Variants in GMDS observed in about 807,000 individuals in gnomAD.
GMDS encodes the protein GDP-mannose 4,6 dehydratase.
A neutral mutation model predicts 49.9 loss-of-function variants in GMDS; 20 were observed. That is an observed-to-expected ratio of 0.40 (90% confidence interval 0.28 to 0.58). GMDS has a LOEUF of 0.58. Ranked by LOEUF, GMDS falls within the 20% of genes least tolerant of loss-of-function variation. The pLI is 0.42. For synonymous variants in GMDS, 177 were observed against 178.6 expected (o/e 0.99, Z 0.07); for missense variants, 362 against 481.4 (o/e 0.75, Z 2.32).
chr6:2,143,314 G>A (rs1240290112), intron 1 of GMDS, among the ~76,000 whole-genome samples: 1 of 152,012 alleles, frequency 6.6e-6, no homozygotes, highest in Non-Finnish European at 1.5e-5. Context: ...GTCAATTGAG[G>A]GGCACTACTG....
intron 1 of GMDS, among the ~76,000 whole-genome samples, chr6:2,234,771 T>C (rs1332046430): frequency 6.6e-6 from 1 of 152,136 alleles, no homozygotes; most frequent in Non-Finnish European, 1.5e-5. Context: ...AGAGTTTACA[T>C]CAGGTACAAT....
chr6:1,742,451 T>G lies in GMDS; in HGVS notation c.890+17A>C. ...CTGCCAGAGAGCTACAAGTAGTCATTTCTCAGGTATACTTACACAATGGTT... is the reference window on the plus strand; with the variant it reads ...CTGCCAGAGAGCTACAAGTAGTCATGTCTCAGGTATACTTACACAATGGTT... On this transcript the variant is annotated intron_variant, in intron 8 of 10. Coordinates refer to ENST00000380815, the MANE Select transcript of GMDS (RefSeq NM_001500.4). 7.1e-7 allele frequency: 1 copy of G among 1,401,990 alleles called. No individual in the cohort carries two copies. Among genetic ancestry groups the G allele is most frequent in the South Asian group, 1.2e-5 (1 of 86,100 alleles). The allele number at this position is 1,401,990 out of a possible 1,614,324, so 86.8% of individuals were successfully genotyped here.
chr6:2,138,112 A>G (rs1274465612), intron 1 of GMDS, among the ~76,000 whole-genome samples: 1 of 152,232 alleles, frequency 6.6e-6, no homozygotes, highest in East Asian at 1.9e-4. Context: ...AAAACATTCA[A>G]AAATATCTCT....
rs533019372 is a variant in GMDS, at chr6:1,827,134, G to GATAT, written c.772-84552_772-84549dup. 8.0e-3 allele frequency among the ~76,000 whole-genome samples: 999 copies of GATAT among 124,506 alleles called. 12 individuals carry two copies. The highest frequency in any genetic ancestry group is 0.025 in the African/African-American group (859 of 33,826). 81.7% of individuals were successfully genotyped at this position (124,506 alleles called of 152,430 possible). A position where few individuals can be genotyped will look rare whatever the true frequency, so the allele number is the denominator to read the frequency against. On this transcript the variant is annotated intron_variant, in intron 7 of 10. Coordinates refer to ENST00000380815, the MANE Select transcript of GMDS (RefSeq NM_001500.4). ...TGTGTGTGTGTGTATGTGTATCCAG[G>GATAT]ATATATATATATATATATGCACACA...
chr6:1,858,521 T>C (rs1205773147), intron 7 of GMDS, among the ~76,000 whole-genome samples: 1 of 152,202 alleles, frequency 6.6e-6, no homozygotes. Flanking sequence ...TACTTCACAC[T>C]AGTATTTGGT....
At chr6:2,169,826 G>A (rs115770623) in intron 1 of GMDS, among the ~76,000 whole-genome samples, 1,563 of 152,158 alleles carry the variant, frequency 0.01, 6 homozygotes, top group Admixed American at 0.016. Flanking sequence ...ACTCAGTTAC[G>A]TGTTCAGCTG....
chr6:2,083,000 A>G (rs1772804031), intron 4 of GMDS, among the ~76,000 whole-genome samples: 1 of 152,220 alleles, frequency 6.6e-6, no homozygotes, highest in Non-Finnish European at 1.5e-5. Context: ...CATTTCTACA[A>G]TTCTTAAAAG....
At chr6:2,072,658 A>G (rs1772085846) in intron 4 of GMDS, among the ~76,000 whole-genome samples, 2 of 152,186 alleles carry the variant, frequency 1.3e-5, no homozygotes, top group African/African-American at 4.8e-5. Context: ...TAGATCCTTC[A>G]CACTGCATGG....
intron 9 of GMDS, among the ~76,000 whole-genome samples, chr6:1,660,086 C>T (rs1274510154): frequency 6.6e-6 from 1 of 151,910 alleles, no homozygotes. Flanking sequence ...ACAGGAGGTG[C>T]CTAAGTGGCA....
chr6:1,963,375 G>T (rs1166766117), intron 4 of GMDS, among the ~76,000 whole-genome samples: 1 of 152,094 alleles, frequency 6.6e-6, no homozygotes, highest in African/African-American at 2.4e-5. Flanking sequence ...CTTCTTACAG[G>T]TGTCTTATGA....
chr6:2,142,320 A>G (rs1258241504), intron 1 of GMDS, among the ~76,000 whole-genome samples: 1 of 152,130 alleles, frequency 6.6e-6, no homozygotes, highest in Admixed American at 6.6e-5. Flanking sequence ...TGGGAATGGG[A>G]TGTTAGTTGG....
intron 7 of GMDS, among the ~76,000 whole-genome samples, chr6:1,917,592 C>G (rs1444928546): frequency 2.0e-5 from 3 of 152,148 alleles, no homozygotes; most frequent in African/African-American, 7.2e-5. Flanking sequence ...CAGGCAAAAC[C>G]AGCAAGTAAT....
chr6:1,676,464 C>T (rs1449232678), intron 9 of GMDS, among the ~76,000 whole-genome samples: 23 of 152,108 alleles, frequency 1.5e-4, no homozygotes, highest in Admixed American at 9.2e-4. Flanking sequence ...AAAAAGAGCC[C>T]GCATTGCTAA....
At chr6:1,989,678 T>C (rs967259713) in intron 4 of GMDS, among the ~76,000 whole-genome samples, 6 of 152,170 alleles carry the variant, frequency 3.9e-5, no homozygotes, top group African/African-American at 1.4e-4. Context: ...CCAAGACTGG[T>C]ACACTCCCTT....
intron 4 of GMDS, among the ~76,000 whole-genome samples, chr6:2,029,905 C>T (rs947166467): frequency 6.6e-6 from 1 of 152,118 alleles, no homozygotes; most frequent in African/African-American, 2.4e-5. Context: ...ACAGGAGCAG[C>T]ATGTAATACT....
chr6:2,190,484 G>T (rs1314088225), intron 1 of GMDS, among the ~76,000 whole-genome samples: 1 of 152,134 alleles, frequency 6.6e-6, no homozygotes. Context: ...TTTGCTCAAG[G>T]TCTCACTTCT....
At chr6:1,728,712 G>T (rs1055327728) in intron 8 of GMDS, among the ~76,000 whole-genome samples, 4 of 152,186 alleles carry the variant, frequency 2.6e-5, no homozygotes, top group Non-Finnish European at 4.4e-5. Flanking sequence ...GACTGAGGCC[G>T]TGCCTGAGGG....
At chr6:2,098,948 T>TA (rs914153412) in intron 4 of GMDS, among the ~76,000 whole-genome samples, 100 of 152,258 alleles carry the variant, frequency 6.6e-4, no homozygotes, top group African/African-American at 2.3e-3. Flanking sequence ...CTTATTCAAG[T>TA]AAAAAATTAA....
intron 1 of GMDS, among the ~76,000 whole-genome samples, chr6:2,202,430 TTTCTA>T (rs1779590083): frequency 4.0e-5 from 4 of 100,144 alleles, no homozygotes; most frequent in South Asian, 3.7e-4. Context: ...TGCCAATTTC[TTTCTA>T]TTTTTTTTTT....
Sources: gnomAD v4.1 joint callset for allele counts (sites outside exome capture counted in the v4.1 genomes callset) on GRCh38, gnomAD v4.1.1 for gene constraint, MANE v1.5 for transcripts, NCBI Gene and HGNC (gene_info 2026-07-23, HGNC 2026-07-21) for gene names.